The following FRYL variants were observed in gnomAD, a reference collection of about 807,000 sequenced individuals.
FRYL encodes FRY like transcription coactivator.
FRYL carries 150 observed loss-of-function variants against 351.2 expected under a neutral mutation model. That is an observed-to-expected ratio of 0.43 (90% CI 0.37 to 0.49). The LOEUF is 0.49. Among genes scored for constraint, FRYL ranks in the 20% least tolerant of loss-of-function variants. FRYL has a pLI of 0.00. For missense variants in FRYL, 3,036 were observed against 3,619.3 expected, an observed-to-expected ratio of 0.84 and a Z score of 4.13; for synonymous variants, 1,153 against 1,257.1, an observed-to-expected ratio of 0.92 and a Z score of 1.75.
intron 25 of FRYL, 65 bp downstream of exon 25, chr4:48,575,052 A>G: frequency 6.4e-7 from 1 of 1,555,304 alleles, no homozygotes; most frequent in Non-Finnish European, 8.8e-7. Context: ...TAAGGACCCT[A>G]CCACACCTTC....
chr4:48,588,945 T>C (rs1742692877), intron 18 of FRYL, among the ~76,000 whole-genome samples: 1 of 152,058 alleles, frequency 6.6e-6, no homozygotes, highest in African/African-American at 2.4e-5. Context: ...ATGAGGGAAG[T>C]GGTTGTGGTG....
At chr4:48,563,823 G>A (rs1736117443) in intron 31 of FRYL, 125 bp downstream of exon 31, 1 of 1,010,846 alleles carries the variant, frequency 9.9e-7, no homozygotes, top group Non-Finnish European at 1.4e-6. Context: ...AGGGGTCCTG[G>A]AACCAATCCC....
chr4:48,633,258 T>G (rs1237830329), intron 4 of FRYL, among the ~76,000 whole-genome samples: 1 of 152,210 alleles, frequency 6.6e-6, no homozygotes, highest in Non-Finnish European at 1.5e-5. Flanking sequence ...CTGTTTTATT[T>G]CTGCTTATTT....
chr4:48,510,995 A>G lies in FRYL; in HGVS notation c.8146-11T>C, dbSNP rs749886710. ...CTTTCTTTGAATTGTCTATGGAGAA[A>G]AGCAGAAGAAAGAGTTTAGTGTTTC... On this transcript the variant is annotated splice_polypyrimidine_tract_variant and intron_variant, in intron 57 of 63. Transcript: ENST00000358350. 1.3e-6 allele frequency: 2 copies of G among 1,599,282 alleles called. No individual in the cohort carries two copies. Among genetic ancestry groups the G allele is most frequent in the South Asian group, 2.3e-5 (2 of 88,084 alleles).
chr4:48,736,848 TCG>T (rs1201785337), intron 1 of FRYL, among the ~76,000 whole-genome samples: 2 of 42,910 alleles, frequency 4.7e-5, no homozygotes, highest in Non-Finnish European at 1.0e-4. Flanking sequence ...AGACTCTGTC[TCG>T]AAAAAAAAAA....
At chr4:48,579,330 T>C (rs1740356654) in intron 22 of FRYL, 89 bp from the exon 23 acceptor site, 1 of 1,056,256 alleles carries the variant, frequency 9.5e-7, no homozygotes, top group East Asian at 2.5e-5. Context: ...AAGTGGTGTA[T>C]TAGTAGTTTC....
At chr4:48,593,453 T>C (rs542762522) in intron 16 of FRYL, among the ~76,000 whole-genome samples, 1 of 152,184 alleles carries the variant, frequency 6.6e-6, no homozygotes, top group South Asian at 2.1e-4. Context: ...CAAGCGATTC[T>C]CCTGCCTCAG....
intron 48 of FRYL, 38 bp from the exon 49 acceptor site, chr4:48,534,723 T>A: frequency 7.7e-7 from 1 of 1,299,726 alleles, no homozygotes; most frequent in Non-Finnish European, 1.1e-6. Context: ...AAGTATACTT[T>A]AATCAGGTTG....
chr4:48,657,499 T>A (rs1429385078), intron 3 of FRYL, among the ~76,000 whole-genome samples: 2 of 152,032 alleles, frequency 1.3e-5, no homozygotes, highest in Non-Finnish European at 2.9e-5. Flanking sequence ...TCACAGAAAC[T>A]AAGTCACGGC....
rs1013679147 is a variant in FRYL, at chr4:48,543,801, A to C, written c.5592+6T>G. On this transcript the variant is annotated splice_donor_region_variant and intron_variant, in intron 44 of 63. Coordinates refer to ENST00000358350, the MANE Select transcript of FRYL (RefSeq NM_015030.2). ...CAATAACTGCTGAAAGAATATAAGG[A>C]AATACCTGTGCATCTTCTCCTGGAT... 2 of 1,611,626 alleles carry C rather than the reference A, an allele frequency of 1.2e-6. No individual in the cohort carries two copies. The highest frequency in any genetic ancestry group is 1.7e-6 in the Non-Finnish European group (2 of 1,178,664).
chr4:48,658,394 T>C (rs1416373074), intron 3 of FRYL, among the ~76,000 whole-genome samples: 1 of 151,768 alleles, frequency 6.6e-6, no homozygotes, highest in African/African-American at 2.4e-5. Context: ...CCCCACAGAT[T>C]TCAGCTTTTC....
intron 3 of FRYL, among the ~76,000 whole-genome samples, chr4:48,655,723 A>T (rs1758728809): frequency 6.8e-6 from 1 of 146,650 alleles, no homozygotes; most frequent in Non-Finnish European, 1.5e-5. Context: ...TATAATGTAT[A>T]AGTATATAAA....
chr4:48,744,536 T>C (rs777220756), intron 1 of FRYL, among the ~76,000 whole-genome samples: 10 of 152,222 alleles, frequency 6.6e-5, no homozygotes, highest in Non-Finnish European at 1.3e-4. Context: ...AATAGTTGCA[T>C]ATGCCTGATT....
At chr4:48,581,024 T>C in intron 21 of FRYL, 73 bp from the exon 22 acceptor site, 1 of 778,656 alleles carries the variant, frequency 1.3e-6, no homozygotes, top group Non-Finnish European at 2.0e-6. Flanking sequence ...AAGTAAACAC[T>C]AAAAATTCAC....
At chr4:48,763,106 TAAAAAAA>T (rs10683757) in intron 1 of FRYL, among the ~76,000 whole-genome samples, 8 of 91,534 alleles carry the variant, frequency 8.7e-5, no homozygotes, top group African/African-American at 2.9e-4. Flanking sequence ...TACAGATCTG[TAAAAAAA>T]AAAAAAAAAA....
At chr4:48,622,106 C>CA (rs376518116) in intron 5 of FRYL, among the ~76,000 whole-genome samples, 47 of 150,204 alleles carry the variant, frequency 3.1e-4, no homozygotes, top group South Asian at 1.0e-3. Context: ...AGCACCCTTA[C>CA]AAAAAAAAAT....
intron 1 of FRYL, among the ~76,000 whole-genome samples, chr4:48,770,572 G>A (rs1388545827): frequency 6.6e-6 from 1 of 151,918 alleles, no homozygotes; most frequent in African/African-American, 2.4e-5. Context: ...TGTGTAGCTG[G>A]GATTACAGGC....
At chr4:48,746,643 C>T (rs1772715834) in intron 1 of FRYL, among the ~76,000 whole-genome samples, 2 of 152,154 alleles carry the variant, frequency 1.3e-5, no homozygotes, top group Admixed American at 6.6e-5. Flanking sequence ...GTCCTCTGAC[C>T]CTGAGCAGTC....
At chr4:48,533,842 T>C (rs1728266909) in intron 49 of FRYL, among the ~76,000 whole-genome samples, 1 of 152,196 alleles carries the variant, frequency 6.6e-6, no homozygotes, top group African/African-American at 2.4e-5. Context: ...ATCTCTAAAA[T>C]GCAAACTCTT....
Sources: allele counts gnomAD v4.1 joint callset (sites outside exome capture counted in the v4.1 genomes callset), GRCh38; gene constraint gnomAD v4.1.1; transcripts MANE v1.5; gene names NCBI Gene and HGNC (gene_info 2026-07-23, HGNC 2026-07-21).